RB1CC1: variants seen among roughly 807,000 people sequenced by gnomAD.
The protein encoded by RB1CC1 is RB1 inducible coiled-coil 1.
A neutral mutation model predicts 177.5 loss-of-function variants in RB1CC1; 46 were observed. That is an observed-to-expected ratio of 0.26 (90% CI 0.20 to 0.33). The LOEUF is 0.33. RB1CC1 is among the 10% of genes least tolerant of loss of function. The probability of loss-of-function intolerance (pLI) is 1.00; values close to 1 mark genes in which losing one functional copy is unlikely to be tolerated. For synonymous variants in RB1CC1, 666 were observed against 613.6 expected (o/e 1.09, Z -1.26); for missense variants, 1,703 against 1,816.3 (o/e 0.94, Z 1.13).
chr8:52,697,291 T>C (rs934636696), intron 1 of RB1CC1, among the ~76,000 whole-genome samples: 3 of 141,132 alleles, frequency 2.1e-5, no homozygotes, highest in Admixed American at 2.1e-4. Context: ...CAACAAATGG[T>C]TACTAAAAAA....
chr8:52,639,823 C>G (rs533457151), intron 18 of RB1CC1, among the ~76,000 whole-genome samples: 2 of 152,272 alleles, frequency 1.3e-5, no homozygotes, highest in South Asian at 4.1e-4. Context: ...GTCATGATGA[C>G]TATATCATCA....
rs1854007159 is a variant in RB1CC1 at position 52,683,911 on chromosome 8, T to A, written c.174A>T (p.Arg58Ser). ...NGGECMAADR[R>S]VCTYSAGTDT... Reference sequence around the variant, plus strand: ...CCGTCCCAGCACTGTAGGTACACACTCTTCGATCTGCAGCCATGCATTCTC... The same window carrying A: ...CCGTCCCAGCACTGTAGGTACACACACTTCGATCTGCAGCCATGCATTCTC... The change falls in exon 4 of 24, where the codon AGA (arginine) becomes AGT (serine). Residue 58 changes from arginine to serine, a missense_variant. By Grantham distance (110) the Arg-to-Ser change is moderately radical (BLOSUM62 -1). Around this residue, in one of 6 missense-constraint regions of RB1CC1, gnomAD observed 118 missense variants for 121.2 expected, o/e 0.97. Transcript: ENST00000025008. The A allele has an allele frequency of 6.2e-7, 1 of 1,614,134 alleles. No individual in the cohort carries two copies. The highest frequency in any genetic ancestry group is 8.5e-7 in the Non-Finnish European group (1 of 1,180,010).
chr8:52,646,750 GAACA>G (rs932049738), intron 15 of RB1CC1, among the ~76,000 whole-genome samples: 3 of 152,094 alleles, frequency 2.0e-5, no homozygotes, highest in African/African-American at 7.2e-5. Context: ...AAGAAGAAAT[GAACA>G]AACACTGGTT....
chr8:52,654,366 T>C (rs1039244413), intron 15 of RB1CC1, among the ~76,000 whole-genome samples: 2 of 152,198 alleles, frequency 1.3e-5, no homozygotes, highest in African/African-American at 4.8e-5. Flanking sequence ...GAAAAGAAGA[T>C]GTGCAAGGTT....
At position 52,661,268 on chromosome 8, in the gene RB1CC1, C is replaced by G; in HGVS notation, c.1372G>C (p.Val458Leu). ...LHVRLKWCCFVMLHADQDGEK... is the reference protein window; with the variant it reads ...LHVRLKWCCFLMLHADQDGEK... Reference sequence around the variant, plus strand: ...CCATCTTGATCAGCATGAAGCATTACAAAGCAACACCACCTAGAGAATAAA... The same window carrying G: ...CCATCTTGATCAGCATGAAGCATTAGAAAGCAACACCACCTAGAGAATAAA... The change falls in exon 10 of 24, where the codon GTA becomes CTA. Residue 458 changes from valine to leucine, a missense_variant. Transcript: ENST00000025008. 6.2e-7 allele frequency: 1 copy of G among 1,612,620 alleles called. No homozygotes were observed. The highest frequency in any genetic ancestry group is 1.1e-5 in the South Asian group (1 of 90,780).
Position 52,633,020 on chromosome 8 carries a change from A to G in RB1CC1, c.4440+1901T>C, listed in dbSNP as rs567851256. On this transcript the variant is annotated intron_variant, in intron 20 of 23. Coordinates refer to ENST00000025008, the MANE Select transcript of RB1CC1 (RefSeq NM_014781.5). ...GAAAGGCTAATCACAGTTTCAAAAT[A>G]ATGCAACCATTTGTCTCTTATCTAC... 1.1e-3 allele frequency among the ~76,000 whole-genome samples: 162 copies of G among 152,308 alleles called. 3 individuals are homozygous for G. The highest frequency in any genetic ancestry group is 3.8e-3 in the African/African-American group (156 of 41,564).
In RB1CC1 at chr8:52,683,534, T is replaced by G. The variant is rs1026930471; in HGVS notation, c.369+15A>C. ...TTTTAGAAACAATCAGTTAAAATAA[T>G]TGTTTATATCTTACCAATGCAAGCT... On this transcript the variant is annotated intron_variant, in intron 5 of 23. Coordinates refer to ENST00000025008, the MANE Select transcript of RB1CC1 (RefSeq NM_014781.5). 6.5e-7 allele frequency: 1 copy of G among 1,532,772 alleles called. No individual in the cohort carries two copies. Among genetic ancestry groups the G allele is most frequent in the South Asian group, 1.3e-5 (1 of 77,400 alleles). 94.9% of individuals were successfully genotyped at this position (1,532,772 alleles called of 1,614,324 possible). A position where few individuals can be genotyped will look rare whatever the true frequency, so the allele number is the denominator to read the frequency against.
chr8:52,633,107 T>TA (rs1381571475), intron 20 of RB1CC1, among the ~76,000 whole-genome samples: 5 of 152,182 alleles, frequency 3.3e-5, no homozygotes, highest in Non-Finnish European at 5.9e-5. Context: ...CAGAACATCT[T>TA]ACACATACTG....
Position 52,658,073 on chromosome 8 carries a change from T to C in RB1CC1, c.1845A>G (p.Leu615=), listed in dbSNP as rs558619961. The C allele has an allele frequency of 5.6e-6, 9 of 1,613,880 alleles. No individual in the cohort carries two copies. In the South Asian group the frequency reaches 7.7e-5, roughly 14 times the overall value. ...FEPLHQHVLA[L]HNLVKAAQSL... ...TTTGTGCTGCTTTTACCAAATTATG[T>C]AGAGCAAGTACATGCTGGTGTAGAG... Residue 615 remains leucine, a synonymous_variant, in exon 14 of 24, where the codon CTA becomes CTG. Transcript: ENST00000025008.
In RB1CC1 at chr8:52,686,953, G is replaced by C. The variant is rs1437005600; in HGVS notation, c.-152C>G. The stretch of plus-strand genomic sequence containing the variant: ...GATTGGCAACTGAATGGCATTACTG[G>C]TTAAACTCAGAAAACTGGAAAAGAA... On this transcript the variant is annotated 5_prime_UTR_variant, in exon 2 of 24. Transcript: ENST00000025008. 1 of 456,370 alleles carries C rather than the reference G, an allele frequency of 2.2e-6. No individual in the cohort carries two copies. The highest frequency in any genetic ancestry group is 4.4e-6 in the Non-Finnish European group (1 of 226,934). 28.3% of individuals were successfully genotyped at this position (456,370 alleles called of 1,614,324 possible). A position where few individuals can be genotyped will look rare whatever the true frequency, so the allele number is the denominator to read the frequency against.
intron 1 of RB1CC1, among the ~76,000 whole-genome samples, chr8:52,713,264 C>T (rs1475405325): frequency 1.3e-5 from 2 of 152,184 alleles, no homozygotes. Flanking sequence ...GTCTACACTA[C>T]TTCAAGGTAT....
chr8:52,634,457 T>A (rs770376510), intron 20 of RB1CC1, among the ~76,000 whole-genome samples: 2 of 150,140 alleles, frequency 1.3e-5, no homozygotes, highest in Non-Finnish European at 3.0e-5. Context: ...ACCCGGGAGG[T>A]GGAGGTTGCA....
chr8:52,624,850 A>G (rs778290038), intron 22 of RB1CC1, 63 bp from the exon 23 acceptor site: 4 of 1,226,818 alleles, frequency 3.3e-6, no homozygotes, highest in Non-Finnish European at 4.5e-6. Context: ...ATGGAAACAT[A>G]ACTGCCAGAA....
intron 12 of RB1CC1, 30 bp from the exon 13 acceptor site, chr8:52,659,006 A>AT (rs763392478): frequency 1.3e-5 from 18 of 1,356,404 alleles, no homozygotes; most frequent in South Asian, 4.7e-5. Flanking sequence ...TACTTAAAAA[A>AT]TTTTTTTTCA....
At chr8:52,658,632 CA>C (rs147298732) in intron 13 of RB1CC1, among the ~76,000 whole-genome samples, 2,753 of 142,962 alleles carry the variant, frequency 0.019, 93 homozygotes, top group African/African-American at 0.068. Flanking sequence ...CAACAGCATG[CA>C]AAAAGTAACT....
chr8:52,690,826 G>A (rs1174115095), intron 1 of RB1CC1, among the ~76,000 whole-genome samples: 7 of 152,142 alleles, frequency 4.6e-5, no homozygotes, highest in Non-Finnish European at 8.8e-5. Flanking sequence ...ACTTGTGTCA[G>A]TGCACACTCC....
chr8:52,668,438 GT>G (rs1852264952), intron 7 of RB1CC1, among the ~76,000 whole-genome samples: 1 of 152,168 alleles, frequency 6.6e-6, no homozygotes, highest in Admixed American at 6.5e-5. Flanking sequence ...ATTTCAATCA[GT>G]GCTACAATTT....
In RB1CC1 at chr8:52,633,745, T is replaced by C. The variant is rs541418874; in HGVS notation, c.4440+1176A>G. Among the ~76,000 whole-genome samples, 13 of 152,310 alleles carry C rather than the reference T, an allele frequency of 8.5e-5. No homozygotes were observed. The East Asian group carries it at 2.3e-3, about 27-fold the overall frequency. ...ACATATAATTGGCTGTAAAATGGGC[T>C]GTTCAAATAATTGGTTAAATTCACA... is the stretch of plus-strand genomic sequence containing the variant. On this transcript the variant is annotated intron_variant, in intron 20 of 23. Coordinates refer to ENST00000025008, the MANE Select transcript of RB1CC1 (RefSeq NM_014781.5).
intron 20 of RB1CC1, among the ~76,000 whole-genome samples, chr8:52,633,182 C>G (rs112766897): frequency 6.6e-6 from 1 of 152,110 alleles, no homozygotes; most frequent in African/African-American, 2.4e-5. Context: ...CTTGGGCACA[C>G]GTCAGGACCT....
Sources: allele counts gnomAD v4.1 joint callset (sites outside exome capture counted in the v4.1 genomes callset), GRCh38; gene constraint gnomAD v4.1.1; regional missense constraint gnomAD v4.1.1; transcripts MANE v1.5; gene names NCBI Gene and HGNC (gene_info 2026-07-23, HGNC 2026-07-21).